Variants in HNF4G observed in about 807,000 individuals in gnomAD.
The protein encoded by HNF4G is hepatocyte nuclear factor 4 gamma, also known as hepatocyte nuclear factor 4-gamma.
In HNF4G, 21 loss-of-function variants were observed where a neutral mutation model predicts 50.9. The ratio of observed to expected loss-of-function variants is 0.41; its 90% CI spans 0.29 to 0.59. HNF4G has a LOEUF of 0.59. Among genes scored for constraint, HNF4G ranks in the 20% least tolerant of loss-of-function variants. The probability of loss-of-function intolerance (pLI) is 0.26; values close to 1 mark genes in which losing one functional copy is unlikely to be tolerated. For missense variants in HNF4G, 527 were observed against 559.4 expected, an observed-to-expected ratio of 0.94 and a Z score of 0.58; for synonymous variants, 198 against 185.6, an observed-to-expected ratio of 1.07 and a Z score of -0.54.
chr8:75,441,796 C>T lies in HNF4G; in HGVS notation c.-144+33634C>T, dbSNP rs111916195. Among the ~76,000 whole-genome samples, 51 of 152,268 alleles carry T rather than the reference C, an allele frequency of 3.3e-4. 1 individual carries two copies. The highest frequency in any genetic ancestry group is 1.1e-3 in the African/African-American group (47 of 41,554). On this transcript the variant is annotated intron_variant, in intron 1 of 10. Transcript: ENST00000354370. ...TCACAAACTTGTAGCAAACAATCAG[C>T]GAACTGGCTTGGGTCCACAGACCAC...
Position 75,411,322 on chromosome 8 carries a change from C to T in HNF4G, c.-144+3160C>T, listed in dbSNP as rs1378576361. ...GGCTGAATATTCCCTGGGGAAGGCA[C>T]TTTTCTAGGCCACAGAATATCTGTA... On this transcript the variant is annotated intron_variant, in intron 1 of 10. Coordinates refer to the HNF4G transcript ENST00000354370. Among the ~76,000 whole-genome samples, 2 of 152,218 alleles carry T rather than the reference C, an allele frequency of 1.3e-5. 1 individual carries two copies. The highest frequency in any genetic ancestry group is 2.9e-5 in the Non-Finnish European group (2 of 68,042).
At chr8:75,561,857 G>A (rs1001717359) in intron 9 of HNF4G, among the ~76,000 whole-genome samples, 1 of 152,096 alleles carries the variant, frequency 6.6e-6, no homozygotes, top group Non-Finnish European at 1.5e-5. Context: ...ATTGTTAGTA[G>A]CTAAGTTAAT....
chr8:75,431,740 A>G (rs764836491), intron 1 of HNF4G, among the ~76,000 whole-genome samples: 13 of 152,010 alleles, frequency 8.6e-5, no homozygotes, highest in Non-Finnish European at 1.8e-4. Flanking sequence ...AGCCTGGCCA[A>G]CGTGGTGAAA....
chr8:75,414,840 A>G (rs1015520436), intron 1 of HNF4G, among the ~76,000 whole-genome samples: 1 of 152,232 alleles, frequency 6.6e-6, no homozygotes, highest in African/African-American at 2.4e-5. Flanking sequence ...TATCACAAAT[A>G]ACGCTGCTAT....
chr8:75,472,550 C>A (rs1812139048), intron 1 of HNF4G, among the ~76,000 whole-genome samples: 1 of 152,124 alleles, frequency 6.6e-6, no homozygotes, highest in Admixed American at 6.6e-5. Context: ...TTTGCCTTAC[C>A]CTATTCCCTT....
chr8:75,418,173 C>T (rs1484531810), intron 1 of HNF4G, among the ~76,000 whole-genome samples: 1 of 152,134 alleles, frequency 6.6e-6, no homozygotes, highest in East Asian at 1.9e-4. Context: ...GCTGCTTCCT[C>T]CTGGTGTCCT....
At position 75,558,603 on chromosome 8, in the gene HNF4G, A is replaced by G. The variant is rs1807204122; in HGVS notation, c.819A>G (p.Pro273=). Residue 273 remains proline (P), a synonymous_variant, in exon 7 of 10, where the codon CCA becomes CCG. Coordinates refer to ENST00000396423, the MANE Select transcript of HNF4G (RefSeq NM_004133.5). ...GTGTTCTAGATGAGCTGGTTAGACCATTTCAAGAAATCCAGATTGATGACA... is the reference window on the plus strand; with the variant it reads ...GTGTTCTAGATGAGCTGGTTAGACCGTTTCAAGAAATCCAGATTGATGACA... ...ANRVLDELVR[P]FQEIQIDDNE... is the part of the protein sequence containing the mutation. The G allele has an allele frequency of 1.9e-6, 3 of 1,613,876 alleles. No individual in the cohort carries two copies. The highest frequency in any genetic ancestry group is 3.3e-5 in the Admixed American group (2 of 59,994).
chr8:75,485,225 T>C (rs1812472986), intron 1 of HNF4G, among the ~76,000 whole-genome samples: 1 of 152,208 alleles, frequency 6.6e-6, no homozygotes, highest in Non-Finnish European at 1.5e-5. Context: ...AAATTCCCTA[T>C]ACCAAGTACT....
chr8:75,512,759 C>T (rs1418074020), intron 2 of HNF4G, among the ~76,000 whole-genome samples: 1 of 151,942 alleles, frequency 6.6e-6, no homozygotes, highest in Admixed American at 6.6e-5. Flanking sequence ...CCACCGCGCC[C>T]GGTCAACATC....
intron 1 of HNF4G, among the ~76,000 whole-genome samples, chr8:75,472,881 A>G (rs1812148798): frequency 6.6e-6 from 1 of 152,170 alleles, no homozygotes; most frequent in South Asian, 2.1e-4. Flanking sequence ...AAATAAATGA[A>G]TGGCTAAATG....
Position 75,487,632 on chromosome 8 carries a change from T to C in HNF4G, c.-143-2457T>C, listed in dbSNP as rs1036687219. ...GCCCAGCTTAGACCCAGTTTCATGA[T>C]CACTCCAGTTCTCAATTATGAATTT... On this transcript the variant is annotated intron_variant, in intron 1 of 10. Transcript: ENST00000354370. 3.9e-5 allele frequency among the ~76,000 whole-genome samples: 6 copies of C among 152,290 alleles called. No homozygotes were observed. In the East Asian group the frequency reaches 1.2e-3, roughly 29 times the overall value.
chr8:75,509,399 G>A lies in HNF4G; in HGVS notation c.-24+19191G>A, dbSNP rs1376258542. Among the ~76,000 whole-genome samples the A allele has an allele frequency of 2.0e-5, 3 of 152,140 alleles. No homozygotes were observed. In the East Asian group the frequency reaches 5.8e-4, roughly 29 times the overall value. On this transcript the variant is annotated intron_variant, in intron 2 of 10. Transcript: ENST00000354370. ...CAAGAGGAGGTGTATATAAAGACTGGGGAGACTAACAGGAATTCTGCAATT... is the reference window on the plus strand; with the variant it reads ...CAAGAGGAGGTGTATATAAAGACTGAGGAGACTAACAGGAATTCTGCAATT...
intron 1 of HNF4G, among the ~76,000 whole-genome samples, chr8:75,473,750 GAC>G (rs2130639194): frequency 6.6e-6 from 1 of 152,208 alleles, no homozygotes; most frequent in Non-Finnish European, 1.5e-5. Flanking sequence ...GGGGGGAGTA[GAC>G]AGAGAACGAT....
intron 1 of HNF4G, among the ~76,000 whole-genome samples, chr8:75,430,750 C>G (rs1431799535): frequency 6.6e-6 from 1 of 152,110 alleles, no homozygotes. Flanking sequence ...CAAGAAAGCA[C>G]TTTAAATAAA....
intron 2 of HNF4G, among the ~76,000 whole-genome samples, chr8:75,496,470 C>T (rs568144243): frequency 6.6e-6 from 1 of 152,086 alleles, no homozygotes; most frequent in South Asian, 2.1e-4. Context: ...CACTCAAAAG[C>T]TTGACGTTAC....
chr8:75,498,933 C>T (rs1456261446), intron 2 of HNF4G, among the ~76,000 whole-genome samples: 1 of 152,010 alleles, frequency 6.6e-6, no homozygotes, highest in South Asian at 2.1e-4. Context: ...TCACATCAAA[C>T]ATCAAACAAA....
chr8:75,494,812 TA>T, intron 2 of HNF4G, among the ~76,000 whole-genome samples: 1 of 152,106 alleles, frequency 6.6e-6, no homozygotes, highest in South Asian at 2.1e-4. Context: ...ATTATAATTA[TA>T]CAATTATAGA....
chr8:75,442,390 A>C lies in HNF4G; in HGVS notation c.-144+34228A>C, dbSNP rs1004929346. Among the ~76,000 whole-genome samples, 6 of 152,224 alleles carry C rather than the reference A, an allele frequency of 3.9e-5. No individual in the cohort carries two copies. In the South Asian group the frequency reaches 6.2e-4, roughly 16 times the overall value. On this transcript the variant is annotated intron_variant, in intron 1 of 10. Transcript: ENST00000354370. ...AAATTATAAATAGGCAAGACTTTTA[A>C]AAAATATTTTTGAAATACATTTAAA...
At chr8:75,507,552 C>G (rs940533026) in intron 2 of HNF4G, among the ~76,000 whole-genome samples, 4 of 152,168 alleles carry the variant, frequency 2.6e-5, no homozygotes, top group African/African-American at 9.7e-5. Context: ...AGCCACTGTG[C>G]CCGGCTGATT....
Sources: gnomAD v4.1 joint callset for allele counts (sites outside exome capture counted in the v4.1 genomes callset) on GRCh38, gnomAD v4.1.1 for gene constraint, MANE v1.5 for transcripts, NCBI Gene and HGNC (gene_info 2026-07-23, HGNC 2026-07-21) for gene names.